GRM8: variants seen among roughly 807,000 people sequenced by gnomAD.
The protein encoded by GRM8 is metabotropic glutamate receptor 8.
Under a neutral mutation model 87.2 loss-of-function variants are expected in GRM8, and 47 were observed. That is an observed-to-expected ratio of 0.54 (90% CI 0.43 to 0.69). GRM8 has a LOEUF of 0.69. GRM8 is among the 30% of genes least tolerant of loss of function. The pLI is 0.00. For missense variants in GRM8, 1,019 were observed against 1,139.2 expected, an observed-to-expected ratio of 0.89 and a Z score of 1.52; for synonymous variants, 396 against 404.5, an observed-to-expected ratio of 0.98 and a Z score of 0.25.
chr7:127,221,715 C>G (rs890871527), intron 2 of GRM8, among the ~76,000 whole-genome samples: 1 of 152,166 alleles, frequency 6.6e-6, no homozygotes, highest in Non-Finnish European at 1.5e-5. Flanking sequence ...CACTGGGGTT[C>G]TCTCTGAGCA....
rs147760540 is a variant in GRM8, at chr7:126,846,075, C to T, written c.1156+56467G>A. ...TAAAATATATCTTTCATAAAAATTCCAAATATTGTACACATATTTGGGGCT... is the reference window on the plus strand; with the variant it reads ...TAAAATATATCTTTCATAAAAATTCTAAATATTGTACACATATTTGGGGCT... On this transcript the variant is annotated intron_variant, in intron 6 of 10. Coordinates refer to ENST00000339582, the MANE Select transcript of GRM8 (RefSeq NM_000845.3). 1.1e-3 allele frequency among the ~76,000 whole-genome samples: 160 copies of T among 151,678 alleles called. 1 individual carries two copies. The highest frequency in any genetic ancestry group is 0.01 in the Middle Eastern group (3 of 292).
intron 8 of GRM8, among the ~76,000 whole-genome samples, chr7:126,542,122 C>A (rs1202195253): frequency 6.6e-6 from 1 of 152,128 alleles, no homozygotes; most frequent in Non-Finnish European, 1.5e-5. Context: ...ACAACTATGC[C>A]AACATCTTGG....
intron 7 of GRM8, among the ~76,000 whole-genome samples, chr7:126,753,704 C>T (rs1219196061): frequency 9.2e-5 from 14 of 151,578 alleles, no homozygotes; most frequent in Non-Finnish European, 1.9e-4. Context: ...AATATAAATC[C>T]CAAATGATGA....
intron 7 of GRM8, among the ~76,000 whole-genome samples, chr7:126,700,721 A>G (rs1036776084): frequency 2.0e-5 from 3 of 152,180 alleles, no homozygotes; most frequent in Admixed American, 6.5e-5. Flanking sequence ...AATGTCCATT[A>G]CATATATTTT....
Position 127,076,955 on chromosome 7 carries a change from G to A in GRM8, c.727+29541C>T, listed in dbSNP as rs548354917. Among the ~76,000 whole-genome samples, 6 of 152,280 alleles carry A rather than the reference G, an allele frequency of 3.9e-5. No individual in the cohort carries two copies. The South Asian group carries it at 1.2e-3, about 32-fold the overall frequency. On this transcript the variant is annotated intron_variant, in intron 3 of 10. Coordinates refer to ENST00000339582, the MANE Select transcript of GRM8 (RefSeq NM_000845.3). The stretch of plus-strand genomic sequence containing the variant: ...GGAAGAAACTAAAGTCCAGAGAGAT[G>A]GAATGACTTCCAGGGTCACACAGAG...
intron 2 of GRM8, among the ~76,000 whole-genome samples, chr7:127,171,432 A>G (rs950235093): frequency 3.3e-5 from 5 of 152,238 alleles, no homozygotes; most frequent in Non-Finnish European, 7.3e-5. Context: ...ACAGCAAAGC[A>G]TGCTACAGAG....
chr7:126,482,868 G>A (rs1439318271), intron 9 of GRM8, among the ~76,000 whole-genome samples: 1 of 151,708 alleles, frequency 6.6e-6, no homozygotes, highest in Non-Finnish European at 1.5e-5. Flanking sequence ...ATGACCATGG[G>A]CAAATATCTG....
chr7:126,963,003 A>G (rs1259941939), intron 3 of GRM8, among the ~76,000 whole-genome samples: 1 of 152,222 alleles, frequency 6.6e-6, no homozygotes, highest in Non-Finnish European at 1.5e-5. Context: ...GTAAATATAC[A>G]TATACATTAC....
chr7:126,654,728 A>G (rs532108064), intron 7 of GRM8, among the ~76,000 whole-genome samples: 1 of 152,222 alleles, frequency 6.6e-6, no homozygotes, highest in Non-Finnish European at 1.5e-5. Flanking sequence ...TTCTGTGATC[A>G]CACCATCTCC....
intron 9 of GRM8, among the ~76,000 whole-genome samples, chr7:126,497,228 A>G (rs1319740729): frequency 1.3e-5 from 2 of 151,896 alleles, no homozygotes; most frequent in Admixed American, 1.3e-4. Flanking sequence ...AAATACTACT[A>G]ATTATTACAG....
intron 8 of GRM8, among the ~76,000 whole-genome samples, chr7:126,552,617 A>C (rs996565467): frequency 2.6e-5 from 4 of 152,152 alleles, no homozygotes; most frequent in African/African-American, 9.6e-5. Context: ...CTGAAATATA[A>C]AATAGAATGT....
chr7:127,130,043 G>A (rs570468020), intron 2 of GRM8, among the ~76,000 whole-genome samples: 10 of 152,226 alleles, frequency 6.6e-5, no homozygotes, highest in African/African-American at 2.4e-4. Flanking sequence ...GTTCTCATGA[G>A]ATCTAATGGT....
chr7:126,477,127 A>T (rs910479497), intron 9 of GRM8, among the ~76,000 whole-genome samples: 4 of 152,186 alleles, frequency 2.6e-5, no homozygotes, highest in Non-Finnish European at 5.9e-5. Context: ...CGCTAAGTGA[A>T]GTAAGGCAGA....
chr7:126,643,047 T>G (rs550063561), intron 7 of GRM8, among the ~76,000 whole-genome samples: 327 of 151,714 alleles, frequency 2.2e-3, no homozygotes, highest in Non-Finnish European at 3.8e-3. Flanking sequence ...TCCCAGCATG[T>G]TGGGAGGGTG....
At chr7:126,870,382 C>T (rs1586263975) in intron 6 of GRM8, 1 of 152,166 alleles carries the variant, frequency 6.6e-6, no homozygotes, top group African/African-American at 2.4e-5. Flanking sequence ...TTTGCATCTA[C>T]AGCTTGGCTC....
intron 3 of GRM8, among the ~76,000 whole-genome samples, chr7:126,965,443 G>A (rs17869368): frequency 2.1e-3 from 321 of 152,148 alleles, no homozygotes; most frequent in African/African-American, 7.4e-3. Flanking sequence ...ATCTAGACTA[G>A]TGTTCTGCAA....
chr7:127,029,383 A>G (rs1174319329), intron 3 of GRM8, among the ~76,000 whole-genome samples: 1 of 152,144 alleles, frequency 6.6e-6, no homozygotes, highest in East Asian at 1.9e-4. Flanking sequence ...AGTCCTGGAT[A>G]TCCTTGTTAA....
chr7:126,548,586 T>C (rs1817432948), intron 8 of GRM8, among the ~76,000 whole-genome samples: 2 of 152,116 alleles, frequency 1.3e-5, no homozygotes, highest in African/African-American at 4.8e-5. Context: ...ATGTAAGGTA[T>C]GGTGTAGCTA....
intron 7 of GRM8, among the ~76,000 whole-genome samples, chr7:126,684,276 T>C (rs957619293): frequency 6.6e-6 from 1 of 152,186 alleles, no homozygotes. Flanking sequence ...AGAATCCTCT[T>C]GGGTCCAAGG....
Sources: allele counts gnomAD v4.1 joint callset (sites outside exome capture counted in the v4.1 genomes callset), GRCh38; gene constraint gnomAD v4.1.1; transcripts MANE v1.5; gene names NCBI Gene and HGNC (gene_info 2026-07-23, HGNC 2026-07-21).